Variants in ATP5F1B observed in about 807,000 individuals in gnomAD.
ATP5F1B encodes ATP synthase F(1) complex subunit beta, mitochondrial.
ATP5F1B carries 17 observed loss-of-function variants against 45.9 expected under a neutral mutation model. That is an observed-to-expected ratio of 0.37 (90% CI 0.25 to 0.56). The LOEUF is 0.56. Among genes scored for constraint, ATP5F1B ranks in the 20% least tolerant of loss-of-function variants. The probability of loss-of-function intolerance (pLI) is 0.80; values close to 1 mark genes in which losing one functional copy is unlikely to be tolerated. For synonymous variants in ATP5F1B, 218 were observed against 256.5 expected, an observed-to-expected ratio of 0.85 and a Z score of 1.43; for missense variants, 387 against 673.2, an observed-to-expected ratio of 0.57 and a Z score of 4.70.
intron 3 of ATP5F1B, 92 bp from the exon 4 acceptor site, chr12:56,644,050 T>A (rs1951532404): frequency 3.5e-6 from 5 of 1,443,234 alleles, no homozygotes; most frequent in East Asian, 2.3e-5. Flanking sequence ...CTCAAGTCCA[T>A]CCCTTTACCT....
chr12:56,644,961 A>G lies in ATP5F1B; in HGVS notation c.311-6T>C. 3 of 1,614,098 alleles carry G rather than the reference A, an allele frequency of 1.9e-6. No homozygotes were observed. Among genetic ancestry groups the G allele is most frequent in the Non-Finnish European group, 1.7e-6 (2 of 1,179,930 alleles). On this transcript the variant is annotated splice_region_variant and splice_polypyrimidine_tract_variant and intron_variant, in intron 2 of 9. Coordinates refer to ENST00000262030, the MANE Select transcript of ATP5F1B (RefSeq NM_001686.4). ...AGTCCTTACTGTGCTCTCACCTGTT[A>G]GATACAGGCATCGCAGGGTTATACA...
Position 56,638,327 on chromosome 12 carries a change from G to A in ATP5F1B, c.1586C>T (p.Ser529Leu), listed in dbSNP as rs144267158. The A allele has an allele frequency of 7.4e-6, 12 of 1,613,396 alleles. No homozygotes were observed. The highest frequency in any genetic ancestry group is 5.3e-5 in the African/African-American group (4 of 74,856). ...AGTACAGAGGACAAAGACCCCTCAC[G>A]ATGAATGCTCTTCAGCCAGCTTATC... ...KADKLAEEHSS is the reference protein window; with the variant it reads ...KADKLAEEHSL The change falls in exon 10 of 10, where the codon TCG becomes TTG. Residue 529 changes from serine (S) to leucine (L), a missense_variant. By Grantham distance (145) the Ser-to-Leu change is moderately radical. Transcript: ENST00000262030.
chr12:56,642,113 C>T (rs982464300), intron 7 of ATP5F1B, among the ~76,000 whole-genome samples: 2 of 152,018 alleles, frequency 1.3e-5, no homozygotes, highest in African/African-American at 4.8e-5. Flanking sequence ...TCTCCTGCCT[C>T]AGCCTCTGAG....
Position 56,644,797 on chromosome 12 carries a change from G to C in ATP5F1B, c.469C>G (p.Pro157Ala), listed in dbSNP as rs777502424. 3.1e-6 allele frequency: 5 copies of C among 1,613,366 alleles called. No individual in the cohort carries two copies. The highest frequency in any genetic ancestry group is 4.2e-6 in the Non-Finnish European group (5 of 1,179,496). The change falls in exon 3 of 10, where the codon CCC (proline) becomes GCC (alanine). Residue 157 changes from proline to alanine, a missense_variant. Around this residue, in one of 6 missense-constraint regions of ATP5F1B, gnomAD observed 113 missense variants for 168.0 expected, o/e 0.67. Transcript: ENST00000262030. Reference sequence around the variant, plus strand: ...GCAACTTACTGTTTGGTTTTGATGGGACCTCTTTCATCAATAGGTTCTCCA... The same window carrying C: ...GCAACTTACTGTTTGGTTTTGATGGCACCTCTTTCATCAATAGGTTCTCCA... ...VIGEPIDERGPIKTKQFAPIH... is the reference protein window; with the variant it reads ...VIGEPIDERGAIKTKQFAPIH...
rs767087064 is a variant in ATP5F1B, at chr12:56,645,294, T to C, written c.187A>G (p.Ile63Val). The C allele has an allele frequency of 1.9e-6, 3 of 1,614,230 alleles. No individual in the cohort carries two copies. Among genetic ancestry groups the C allele is most frequent in the Non-Finnish European group, 2.5e-6 (3 of 1,180,024 alleles). ...SPKAGAATGR[I>V]VAVIGAVVDV... is the part of the protein sequence containing the mutation. ...ACCACTGCGCCAATGACCGCCACGA[T>C]GCGCCCGGTGGCGGCGCCTGCTTTT... The change falls in exon 2 of 10, where the codon ATC becomes GTC. Residue 63 changes from isoleucine to valine, a missense_variant. Around this residue, in one of 6 missense-constraint regions of ATP5F1B, gnomAD observed 113 missense variants for 168.0 expected, o/e 0.67. Transcript: ENST00000262030.
rs1305628964 is a variant in ATP5F1B at position 56,645,382 on chromosome 12, T to C, written c.128-29A>G. The C allele has an allele frequency of 3.1e-6, 5 of 1,602,430 alleles. No homozygotes were observed. The South Asian group carries it at 5.5e-5, about 18-fold the overall frequency. On this transcript the variant is annotated intron_variant, in intron 1 of 9. Transcript: ENST00000262030. ...ACAGACAAAAGATATTGGAAGGAGC[T>C]GGGGTCAGGCCAGTTAAAGGTCATC...
intron 2 of ATP5F1B, 104 bp from the exon 3 acceptor site, chr12:56,645,059 C>T (rs1951539767): frequency 6.2e-7 from 1 of 1,606,046 alleles, no homozygotes; most frequent in Admixed American, 1.7e-5. Context: ...CTTCAGCAAA[C>T]TCAGAAGAAC....
chr12:56,641,147 C>G (rs1951509146), intron 7 of ATP5F1B, among the ~76,000 whole-genome samples: 1 of 151,922 alleles, frequency 6.6e-6, no homozygotes, highest in Non-Finnish European at 1.5e-5. Context: ...GGCAGATCAC[C>G]TGAGGTCAGG....
rs1052354269 is a variant in ATP5F1B, at chr12:56,645,381, C to G, written c.128-28G>C. On this transcript the variant is annotated intron_variant, in intron 1 of 9. Transcript: ENST00000262030. ...AACAGACAAAAGATATTGGAAGGAG[C>G]TGGGGTCAGGCCAGTTAAAGGTCAT... The G allele has an allele frequency of 4.4e-6, 7 of 1,602,342 alleles. No homozygotes were observed. In the African/African-American group the frequency reaches 6.7e-5, roughly 15 times the overall value.
intron 3 of ATP5F1B, 150 bp downstream of exon 3, chr12:56,644,631 T>C: frequency 1.2e-6 from 1 of 836,268 alleles, no homozygotes; most frequent in Non-Finnish European, 1.7e-6. Flanking sequence ...TTCTGCATCC[T>C]AATTTCTTCA....
In ATP5F1B at chr12:56,645,946, A is replaced by C. The variant is rs865941423; in HGVS notation, c.18T>G (p.Gly6=). The C allele has an allele frequency of 6.2e-7, 1 of 1,604,818 alleles. No individual in the cohort carries two copies. ...CGGAGGCCGGAGCAGCGGCCACCCG[A>C]CCCACAAACCCCAACATGGCGTAGT... The part of the protein sequence containing the change: MLGFV[G]RVAAAPASGA... Residue 6 remains glycine (G), a synonymous_variant, in exon 1 of 10, where the codon GGT becomes GGG. Transcript: ENST00000262030.
Position 56,638,343 on chromosome 12 carries a change from C to T in ATP5F1B, c.1570G>A (p.Ala524Thr), listed in dbSNP as rs1951486696. Residue 524 changes from alanine (A) to threonine (T), a missense_variant, in exon 10 of 10, where the codon GCT becomes ACT. Physicochemically the swap from Ala to Thr is moderately conservative, Grantham distance 58. Transcript: ENST00000262030. ...EEAVAKADKL[A>T]EEHSS ...ACCCCTCACGATGAATGCTCTTCAGCCAGCTTATCAGCTTTTGCCACAGCT... is the reference window on the plus strand; with the variant it reads ...ACCCCTCACGATGAATGCTCTTCAGTCAGCTTATCAGCTTTTGCCACAGCT... The T allele has an allele frequency of 2.5e-6, 4 of 1,613,894 alleles. No individual in the cohort carries two copies. The South Asian group carries it at 3.3e-5, about 13-fold the overall frequency.
In ATP5F1B at chr12:56,645,322, C is replaced by T. The variant is rs11542648; in HGVS notation, c.159G>A (p.Ser53=). Residue 53 remains serine (S), a synonymous_variant, in exon 2 of 10, where the codon TCG becomes TCA. Transcript: ENST00000262030. ...GCCCGGTGGCGGCGCCTGCTTTTGG[C>T]GAAGGAGATGTTTGCGCCGCATAGT... The part of the protein sequence containing the change: ...VRDYAAQTSP[S]PKAGAATGRI... The T allele has an allele frequency of 2.5e-6, 4 of 1,613,830 alleles. No homozygotes were observed. Among genetic ancestry groups the T allele is most frequent in the Non-Finnish European group, 3.4e-6 (4 of 1,179,944 alleles).
At chr12:56,643,753 T>C in intron 4 of ATP5F1B, 84 bp downstream of exon 4, 6 of 1,589,336 alleles carry the variant, frequency 3.8e-6, no homozygotes, top group Non-Finnish European at 4.3e-6. Flanking sequence ...CAGTGAGGAA[T>C]AGATGTCAAT....
chr12:56,643,858 A>G lies in ATP5F1B; in HGVS notation c.586T>C (p.Tyr196His). The change falls in exon 4 of 10, where the codon TAT (tyrosine) becomes CAT (histidine). Residue 196 changes from tyrosine to histidine, a missense_variant. Coordinates refer to ENST00000262030, the MANE Select transcript of ATP5F1B (RefSeq NM_001686.4). The stretch of plus-strand genomic sequence containing the variant: ...ATACCAATTTTGCCACCCTTGGCAT[A>G]GGGAGCTAGCAGATCGACAACCTTG... ...GIKVVDLLAP[Y>H]AKGGKIGLFG... 6.2e-7 allele frequency: 1 copy of G among 1,614,190 alleles called. No individual in the cohort carries two copies. Among genetic ancestry groups the G allele is most frequent in the South Asian group, 1.1e-5 (1 of 91,074 alleles).
Position 56,645,274 on chromosome 12 carries a change from T to G in ATP5F1B, c.207A>C (p.Ala69=), listed in dbSNP as rs150239854. Residue 69 remains alanine (A), a synonymous_variant, in exon 2 of 10, where the codon GCA becomes GCC. Transcript: ENST00000262030. ...CCTCATCAAACTGGACGTCCACCAC[T>G]GCGCCAATGACCGCCACGATGCGCC... The part of the protein sequence containing the change: ...ATGRIVAVIG[A]VVDVQFDEGL... The G allele has an allele frequency of 6.2e-7, 1 of 1,614,128 alleles. No individual in the cohort carries two copies. Among genetic ancestry groups the G allele is most frequent in the African/African-American group, 1.3e-5 (1 of 74,952 alleles).
chr12:56,641,086 T>C (rs1285261596), intron 7 of ATP5F1B, among the ~76,000 whole-genome samples: 1 of 150,708 alleles, frequency 6.6e-6, no homozygotes, highest in Non-Finnish European at 1.5e-5. Context: ...AAAAAGAGGC[T>C]GGGCACAGTG....
chr12:56,641,202 T>TA (rs1402073796), intron 7 of ATP5F1B, among the ~76,000 whole-genome samples: 8 of 151,618 alleles, frequency 5.3e-5, no homozygotes, highest in African/African-American at 1.9e-4. Context: ...CCGTCTCTAC[T>TA]AAAAATACAA....
intron 5 of ATP5F1B, 158 bp downstream of exon 5, chr12:56,643,245 A>C: frequency 3.4e-6 from 2 of 592,278 alleles, no homozygotes; most frequent in Non-Finnish European, 5.4e-6. Context: ...GGAAAACACT[A>C]ACAGGTTTCC....
Sources: gnomAD v4.1 joint callset for allele counts (sites outside exome capture counted in the v4.1 genomes callset) on GRCh38, gnomAD v4.1.1 for gene constraint, gnomAD v4.1.1 regional missense constraint, MANE v1.5 for transcripts, NCBI Gene and HGNC (gene_info 2026-07-23, HGNC 2026-07-21) for gene names.